Variants in TP73 observed in about 807,000 individuals in gnomAD.
TP73 encodes tumor protein p73, also known as p53-like transcription factor.
TP73 carries 25 observed loss-of-function variants against 62.5 expected under a neutral mutation model. The ratio of observed to expected loss-of-function variants is 0.40; its 90% CI spans 0.29 to 0.56. The LOEUF (loss-of-function observed/expected upper bound fraction) is 0.56. Ranked by LOEUF, TP73 falls within the 20% of genes least tolerant of loss-of-function variation. TP73 has a pLI of 0.46. For synonymous variants in TP73, 423 were observed against 377.5 expected (o/e 1.12, Z -1.40); for missense variants, 754 against 913.3 (o/e 0.83, Z 2.25).
chr1:3,727,238 A>C lies in TP73; in HGVS notation c.842+14A>C, dbSNP rs1181848239. The C allele has an allele frequency of 1.9e-6, 3 of 1,608,784 alleles. No individual in the cohort carries two copies. The highest frequency in any genetic ancestry group is 3.3e-5 in the Admixed American group (2 of 59,818). ...GGAGATGCGGGAGTGAGTCCCGGGC[A>C]CACGGGGTGGAGGTGGGACAGGGCT... On this transcript the variant is annotated intron_variant, in intron 7 of 13. Coordinates refer to ENST00000378295, the MANE Select transcript of TP73 (RefSeq NM_005427.4).
At chr1:3,693,629 T>G (rs1363681538) in intron 3 of TP73, among the ~76,000 whole-genome samples, 1 of 152,106 alleles carries the variant, frequency 6.6e-6, no homozygotes, top group African/African-American at 2.4e-5. Context: ...GGTTACTTGC[T>G]GCAGATGGGG....
chr1:3,727,091 C>G, intron 6 of TP73, 24 bp from the exon 7 acceptor site: 2 of 1,603,316 alleles, frequency 1.2e-6, no homozygotes, highest in Non-Finnish European at 1.7e-6. Flanking sequence ...ATGCTAGCCC[C>G]TCTCCCTGCT....
chr1:3,703,321 C>G (rs556687981), intron 3 of TP73, among the ~76,000 whole-genome samples: 1 of 152,262 alleles, frequency 6.6e-6, no homozygotes, highest in Non-Finnish European at 1.5e-5. Context: ...GCCCCCACCC[C>G]GTGTCACTGA....
At chr1:3,705,127 C>G (rs1277449931) in intron 3 of TP73, among the ~76,000 whole-genome samples, 1 of 152,240 alleles carries the variant, frequency 6.6e-6, no homozygotes, top group African/African-American at 2.4e-5. Context: ...GTCTCAGATT[C>G]CTGGGCTCAA....
chr1:3,710,291 G>A lies in TP73; in HGVS notation c.429+2500G>A, dbSNP rs111865414. Among the ~76,000 whole-genome samples, 892 of 152,234 alleles carry A rather than the reference G, an allele frequency of 5.9e-3. 10 individuals carry two copies. Among genetic ancestry groups the A allele is most frequent in the African/African-American group, 0.02 (818 of 41,536 alleles). ...CCGAAGCCCTGTGGATCCAGGGGGT[G>A]GGACAAACATTGATAATGAGATTTT... On this transcript the variant is annotated intron_variant, in intron 4 of 13. Coordinates refer to ENST00000378295, the MANE Select transcript of TP73 (RefSeq NM_005427.4).
At chr1:3,722,593 C>T (rs762713575) in intron 5 of TP73, among the ~76,000 whole-genome samples, 3 of 152,348 alleles carry the variant, frequency 2.0e-5, no homozygotes, top group Non-Finnish European at 4.4e-5. Context: ...TGCCAGCTGG[C>T]CTGAGCCTCA....
chr1:3,702,977 C>A (rs1639322459), intron 3 of TP73, among the ~76,000 whole-genome samples: 1 of 152,164 alleles, frequency 6.6e-6, no homozygotes, highest in Non-Finnish European at 1.5e-5. Context: ...GGAGCCAGGC[C>A]CCAGGGAAAG....
rs374777755 is a variant in TP73, at chr1:3,682,995, T to C, written c.66-65T>C. 1.2e-5 allele frequency: 19 copies of C among 1,549,212 alleles called. 1 individual carries two copies. Among genetic ancestry groups the C allele is most frequent in the African/African-American group, 6.7e-5 (5 of 74,094 alleles). ...TCAGGCTAGCCTTGAGCTCTGGGCCTGGGAGGTATTGGGGTGACACCCAAA... is the reference window on the plus strand; with the variant it reads ...TCAGGCTAGCCTTGAGCTCTGGGCCCGGGAGGTATTGGGGTGACACCCAAA... On this transcript the variant is annotated intron_variant, in intron 2 of 13. Coordinates refer to ENST00000378295, the MANE Select transcript of TP73 (RefSeq NM_005427.4).
chr1:3,692,045 TGTG>T (rs1218252212), intron 3 of TP73, among the ~76,000 whole-genome samples: 1 of 152,098 alleles, frequency 6.6e-6, no homozygotes, highest in African/African-American at 2.4e-5. Flanking sequence ...TATGTGCAGA[TGTG>T]TGTGTGTATG....
chr1:3,657,670 G>A (rs1008002165), intron 1 of TP73, among the ~76,000 whole-genome samples: 2 of 152,234 alleles, frequency 1.3e-5, no homozygotes, highest in Non-Finnish European at 2.9e-5. Context: ...CGCAAACGGG[G>A]AAGAAACCTG....
At chr1:3,657,768 C>A (rs1362397125) in intron 1 of TP73, among the ~76,000 whole-genome samples, 1 of 152,152 alleles carries the variant, frequency 6.6e-6, no homozygotes, top group East Asian at 1.9e-4. Flanking sequence ...GATGGGCAGC[C>A]CCCCTCTCCC....
At chr1:3,677,390 G>C (rs1645397573) in intron 1 of TP73, among the ~76,000 whole-genome samples, 1 of 152,168 alleles carries the variant, frequency 6.6e-6, no homozygotes, top group Non-Finnish European at 1.5e-5. Context: ...GGCAAAGGGA[G>C]GGGACTTGTC....
chr1:3,682,273 C>A, intron 1 of TP73, 60 bp from the exon 2 acceptor site: 1 of 1,264,256 alleles, frequency 7.9e-7, no homozygotes, highest in South Asian at 2.2e-5. Flanking sequence ...CCGAGGCTGT[C>A]ACAGGAGGAC....
chr1:3,707,971 G>C, intron 4 of TP73, 180 bp downstream of exon 4: 1 of 1,001,098 alleles, frequency 1.0e-6, no homozygotes, highest in Non-Finnish European at 1.4e-6. Context: ...GGCAGTCTGG[G>C]TGTGCCCACC....
intron 6 of TP73, among the ~76,000 whole-genome samples, chr1:3,725,772 G>A (rs1389229896): frequency 9.9e-6 from 1 of 101,044 alleles, no homozygotes; most frequent in Non-Finnish European, 2.0e-5. Context: ...GGGTGGGGGG[G>A]TGGATGGATG....
chr1:3,698,355 G>T (rs1262219516), intron 3 of TP73, among the ~76,000 whole-genome samples: 5 of 152,226 alleles, frequency 3.3e-5, no homozygotes, highest in Admixed American at 6.5e-5. Context: ...TTTCCAGGTG[G>T]TTAAATAAAG....
At chr1:3,680,208 C>A (rs1295720307) in intron 1 of TP73, among the ~76,000 whole-genome samples, 1 of 152,206 alleles carries the variant, frequency 6.6e-6, no homozygotes, top group African/African-American at 2.4e-5. Flanking sequence ...TCAGGTCTCA[C>A]CCACGCTGTA....
intron 3 of TP73, among the ~76,000 whole-genome samples, chr1:3,706,469 G>A (rs1392186004): frequency 4.1e-5 from 5 of 122,476 alleles, no homozygotes; most frequent in African/African-American, 1.1e-4. Context: ...GGCCCGGGGA[G>A]AGGGGTAATA....
intron 3 of TP73, chr1:3,690,751 C>A: frequency 6.9e-7 from 1 of 1,458,742 alleles, no homozygotes; most frequent in South Asian, 1.4e-5. Flanking sequence ...CCCCAGCATC[C>A]TCGGCTCCTG....
Sources: gnomAD v4.1 joint callset for allele counts (sites outside exome capture counted in the v4.1 genomes callset) on GRCh38, gnomAD v4.1.1 for gene constraint, MANE v1.5 for transcripts, NCBI Gene and HGNC (gene_info 2026-07-23, HGNC 2026-07-21) for gene names.